Variants in RAB6B observed in about 807,000 individuals in gnomAD.
RAB6B encodes the protein ras-related protein Rab-6B.
RAB6B carries 7 observed loss-of-function variants against 31.2 expected under a neutral mutation model. The observed-to-expected ratio is 0.22, with a 90% CI of 0.13 to 0.42. RAB6B has a LOEUF of 0.42. RAB6B is among the 10% of genes least tolerant of loss of function. RAB6B has a pLI of 1.00. For synonymous variants in RAB6B, 105 were observed against 104.9 expected, an observed-to-expected ratio of 1.00 and a Z score of -0.01; for missense variants, 149 against 280.6, an observed-to-expected ratio of 0.53 and a Z score of 3.35.
Position 133,864,573 on chromosome 3 carries a change from C to T in RAB6B, c.129+11G>A. 1.2e-6 allele frequency: 2 copies of T among 1,613,036 alleles called. No individual in the cohort carries two copies. Among genetic ancestry groups the T allele is most frequent in the Non-Finnish European group, 1.7e-6 (2 of 1,178,994 alleles). ...CCAGATGATATGGAGGGTGAGCACC[C>T]AGGACCTCACCTGGTATGTGTTGTC... On this transcript the variant is annotated intron_variant, in intron 2 of 7. Coordinates refer to ENST00000285208, the MANE Select transcript of RAB6B (RefSeq NM_016577.4).
intron 5 of RAB6B, among the ~76,000 whole-genome samples, chr3:133,838,961 T>C (rs1247164193): frequency 6.6e-6 from 1 of 152,222 alleles, no homozygotes; most frequent in Non-Finnish European, 1.5e-5. Flanking sequence ...CAGTTCTCCC[T>C]GTGCATGGAG....
intron 2 of RAB6B, 71 bp downstream of exon 2, chr3:133,864,513 C>A: frequency 6.6e-7 from 1 of 1,507,436 alleles, no homozygotes; most frequent in East Asian, 2.3e-5. Context: ...ACTCCCACCC[C>A]AGCTCAGCAA....
chr3:133,865,274 G>A lies in RAB6B; in HGVS notation c.71-632C>T, dbSNP rs115432568. ...AGGATCCCCAGTCACTGTGACAACT[G>A]TAGACTCACTCACACATCTGCAAAT... On this transcript the variant is annotated intron_variant, in intron 1 of 7. Coordinates refer to ENST00000285208, the MANE Select transcript of RAB6B (RefSeq NM_016577.4). 7.6e-3 allele frequency among the ~76,000 whole-genome samples: 1,165 copies of A among 152,352 alleles called. 21 individuals are homozygous for A. The highest frequency in any genetic ancestry group is 0.026 in the African/African-American group (1,096 of 41,576).
intron 1 of RAB6B, among the ~76,000 whole-genome samples, chr3:133,885,135 TC>T (rs1936526597): frequency 7.9e-6 from 1 of 126,494 alleles, no homozygotes; most frequent in Non-Finnish European, 1.7e-5. Context: ...AACTCACACA[TC>T]CAATGGCTAG....
At chr3:133,872,457 GC>G (rs781582351) in intron 1 of RAB6B, among the ~76,000 whole-genome samples, 1 of 152,260 alleles carries the variant, frequency 6.6e-6, no homozygotes, top group African/African-American at 2.4e-5. Flanking sequence ...GTGAGGTACG[GC>G]CCCCAGGCCC....
chr3:133,846,434 G>A (rs1481989509), intron 2 of RAB6B, among the ~76,000 whole-genome samples: 3 of 152,188 alleles, frequency 2.0e-5, no homozygotes, highest in African/African-American at 4.8e-5. Flanking sequence ...GCAACAGAGT[G>A]AGACTCTGTC....
rs553651043 is a variant in RAB6B, at chr3:133,885,507, T to C, written c.70+9890A>G. On this transcript the variant is annotated intron_variant, in intron 1 of 7. Transcript: ENST00000285208. ...GAGGATGGGGGACTCACACATCCAA[T>C]GACCAGAGGATAGGGGAGCTCACAC... 9.4e-5 allele frequency: 66 copies of C among 702,722 alleles called. 1 individual carries two copies. Among genetic ancestry groups the C allele is most frequent in the South Asian group, 9.3e-4 (63 of 67,576 alleles). 43.5% of individuals were successfully genotyped at this position (702,722 alleles called of 1,614,324 possible). A position where few individuals can be genotyped will look rare whatever the true frequency, so the allele number is the denominator to read the frequency against.
At chr3:133,871,418 G>A (rs1240751338) in intron 1 of RAB6B, among the ~76,000 whole-genome samples, 1 of 152,226 alleles carries the variant, frequency 6.6e-6, no homozygotes, top group Non-Finnish European at 1.5e-5. Context: ...GGAAGGGACT[G>A]GATGAAACGA....
chr3:133,880,755 C>T (rs78262473), intron 1 of RAB6B, among the ~76,000 whole-genome samples: 4,799 of 152,324 alleles, frequency 0.032, 258 homozygotes, highest in African/African-American at 0.11. Context: ...GCCCCTGCCC[C>T]TGCAGAGCCA....
rs116059608 is a variant in RAB6B at position 133,864,394 on chromosome 3, G to A, written c.129+190C>T. On this transcript the variant is annotated intron_variant, in intron 2 of 7. Coordinates refer to ENST00000285208, the MANE Select transcript of RAB6B (RefSeq NM_016577.4). ...TCCTCTGAAAAATGTTCCCTTTACC[G>A]AGGGGTGGATTTTCAGAAGGGCTCA... 8.8e-3 allele frequency among the ~76,000 whole-genome samples: 1,340 copies of A among 152,122 alleles called. 15 individuals are homozygous for A. The highest frequency in any genetic ancestry group is 0.03 in the African/African-American group (1,263 of 41,446).
At chr3:133,886,912 T>G (rs980000912) in intron 1 of RAB6B, among the ~76,000 whole-genome samples, 1 of 151,746 alleles carries the variant, frequency 6.6e-6, no homozygotes, top group African/African-American at 2.4e-5. Context: ...CCTGCACAGG[T>G]GAGGAAAATG....
At chr3:133,855,961 G>A (rs1936070669) in intron 2 of RAB6B, among the ~76,000 whole-genome samples, 1 of 152,092 alleles carries the variant, frequency 6.6e-6, no homozygotes, top group Non-Finnish European at 1.5e-5. Context: ...GAGCGGGGAG[G>A]AACTCCAGGG....
chr3:133,874,193 G>A, intron 1 of RAB6B, among the ~76,000 whole-genome samples: 1 of 152,192 alleles, frequency 6.6e-6, no homozygotes, highest in East Asian at 1.9e-4. Flanking sequence ...TCTTGTTCAA[G>A]GGTCATCCAT....
chr3:133,852,504 T>C (rs957011813), intron 2 of RAB6B, among the ~76,000 whole-genome samples: 31 of 148,674 alleles, frequency 2.1e-4, no homozygotes, highest in African/African-American at 7.2e-4. Context: ...AGGGTCTCAC[T>C]CTGTTGCCCA....
In RAB6B at chr3:133,826,552, C is replaced by T. The variant is rs1450132485; in HGVS notation, c.*2236G>A. 1 of 152,684 alleles carries T rather than the reference C, an allele frequency of 6.5e-6. No individual in the cohort carries two copies. The highest frequency in any genetic ancestry group is 1.5e-5 in the Non-Finnish European group (1 of 68,066). 9.5% of individuals were successfully genotyped at this position (152,684 alleles called of 1,614,324 possible). A position where few individuals can be genotyped will look rare whatever the true frequency, so the allele number is the denominator to read the frequency against. On this transcript the variant is annotated 3_prime_UTR_variant, in exon 8 of 8. Transcript: ENST00000285208. Reference sequence around the variant, plus strand: ...CAGGCAGGACACTGTCATGTGGACTCCTGTAAATTCTCTCGAGGTAAGTAA... The same window carrying T: ...CAGGCAGGACACTGTCATGTGGACTTCTGTAAATTCTCTCGAGGTAAGTAA...
At chr3:133,846,694 GAAC>G (rs1935913430) in intron 2 of RAB6B, among the ~76,000 whole-genome samples, 1 of 152,108 alleles carries the variant, frequency 6.6e-6, no homozygotes, top group Non-Finnish European at 1.5e-5. Flanking sequence ...CCAGAAAACA[GAAC>G]AACACATTAC....
chr3:133,890,905 T>C lies in RAB6B; in HGVS notation c.70+4492A>G, dbSNP rs191279154. Among the ~76,000 whole-genome samples, 19 of 152,358 alleles carry C rather than the reference T, an allele frequency of 1.2e-4. No individual in the cohort carries two copies. In the East Asian group the frequency reaches 1.7e-3, roughly 14 times the overall value. On this transcript the variant is annotated intron_variant, in intron 1 of 7. Coordinates refer to ENST00000285208, the MANE Select transcript of RAB6B (RefSeq NM_016577.4). ...GGTCATGGGGAAGCATATGATTGTATTGTATTTAAGAAATGTTCAGAGAAA... is the reference window on the plus strand; with the variant it reads ...GGTCATGGGGAAGCATATGATTGTACTGTATTTAAGAAATGTTCAGAGAAA...
chr3:133,864,770 A>G, intron 1 of RAB6B, 128 bp from the exon 2 acceptor site: 1 of 897,902 alleles, frequency 1.1e-6, no homozygotes, highest in South Asian at 1.4e-5. Flanking sequence ...GCAGAAATAC[A>G]GAAGTGGGAG....
chr3:133,851,960 A>G (rs764208682), intron 2 of RAB6B, among the ~76,000 whole-genome samples: 1 of 151,918 alleles, frequency 6.6e-6, no homozygotes, highest in Non-Finnish European at 1.5e-5. Context: ...ACTAGAACTA[A>G]TGAGAAACGA....
Sources: allele counts gnomAD v4.1 joint callset (sites outside exome capture counted in the v4.1 genomes callset), GRCh38; gene constraint gnomAD v4.1.1; transcripts MANE v1.5; gene names NCBI Gene and HGNC (gene_info 2026-07-23, HGNC 2026-07-21).